The following CAMTA1 variants were observed in gnomAD, a reference collection of about 807,000 sequenced individuals.
CAMTA1 encodes the protein calmodulin-binding transcription activator 1.
Under a neutral mutation model 170.9 loss-of-function variants are expected in CAMTA1, and 27 were observed. The observed-to-expected ratio is 0.16, with a 90% CI of 0.12 to 0.22. CAMTA1 has a LOEUF of 0.22. Ranked by LOEUF, CAMTA1 falls within the 10% of genes least tolerant of loss-of-function variation. The pLI is 1.00. For synonymous variants in CAMTA1, 833 were observed against 891.5 expected, an observed-to-expected ratio of 0.93 and a Z score of 1.17; for missense variants, 1,619 against 2,217.2, an observed-to-expected ratio of 0.73 and a Z score of 5.42.
At chr1:6,910,197 G>A (rs1679404572) in intron 3 of CAMTA1, among the ~76,000 whole-genome samples, 1 of 152,186 alleles carries the variant, frequency 6.6e-6, no homozygotes, top group Admixed American at 6.5e-5. Flanking sequence ...GCAATGCAAG[G>A]GGCACCTTGT....
At chr1:6,825,417 C>T (rs1316590728) in intron 3 of CAMTA1, among the ~76,000 whole-genome samples, 1 of 152,176 alleles carries the variant, frequency 6.6e-6, no homozygotes, top group Admixed American at 6.6e-5. Flanking sequence ...TTGAAAGATA[C>T]ACAATGTGCA....
intron 4 of CAMTA1, among the ~76,000 whole-genome samples, chr1:7,212,911 G>A (rs76235370): frequency 0.084 from 12,721 of 152,216 alleles, 681 homozygotes; most frequent in South Asian, 0.15. Context: ...ATTGTCTCGC[G>A]ATTCATCTAG....
At chr1:7,062,558 G>A (rs961684073) in intron 3 of CAMTA1, among the ~76,000 whole-genome samples, 2 of 152,112 alleles carry the variant, frequency 1.3e-5, no homozygotes, top group Admixed American at 1.3e-4. Context: ...ACACGGACAG[G>A]CACAGGCTCC....
chr1:7,563,952 G>A (rs188959545), intron 6 of CAMTA1, among the ~76,000 whole-genome samples: 4 of 152,324 alleles, frequency 2.6e-5, no homozygotes, highest in Middle Eastern at 3.4e-3. Flanking sequence ...AGGGTAAAGC[G>A]AGGAGGGGCT....
At chr1:7,155,169 G>C (rs1377408362) in intron 4 of CAMTA1, among the ~76,000 whole-genome samples, 1 of 152,180 alleles carries the variant, frequency 6.6e-6, no homozygotes, top group South Asian at 2.1e-4. Context: ...GCAGGGGTGT[G>C]GGGGGCTGTG....
At chr1:7,549,926 A>T (rs2094775410) in intron 6 of CAMTA1, among the ~76,000 whole-genome samples, 1 of 152,192 alleles carries the variant, frequency 6.6e-6, no homozygotes, top group African/African-American at 2.4e-5. Context: ...AGACCACAGC[A>T]TCTATAGAGA....
intron 1 of CAMTA1, among the ~76,000 whole-genome samples, chr1:6,813,378 A>C (rs79269671): frequency 2.0e-5 from 3 of 151,826 alleles, no homozygotes; most frequent in South Asian, 2.1e-4. Flanking sequence ...TTATTCATAA[A>C]TTAATACTAA....
intron 3 of CAMTA1, among the ~76,000 whole-genome samples, chr1:6,963,097 C>A (rs996221459): frequency 1.3e-5 from 2 of 151,108 alleles, no homozygotes; most frequent in Non-Finnish European, 3.0e-5. Context: ...GCCCCGCCTT[C>A]ATTTGACCCA....
rs1206101727 is a variant in CAMTA1 at position 6,920,374 on chromosome 1, G to A, written c.234+95164G>A. 5.9e-5 allele frequency among the ~76,000 whole-genome samples: 9 copies of A among 152,192 alleles called. No homozygotes were observed. In the South Asian group the frequency reaches 1.2e-3, roughly 21 times the overall value. On this transcript the variant is annotated intron_variant, in intron 3 of 22. Coordinates refer to ENST00000303635, the MANE Select transcript of CAMTA1 (RefSeq NM_015215.4). ...GGTTCCCATGGTCTTGGGCAGCTCC[G>A]CCCCTTTGGCTTTGTAGGGTACAGC...
chr1:7,450,552 C>T (rs960797583), intron 5 of CAMTA1, among the ~76,000 whole-genome samples: 14 of 152,194 alleles, frequency 9.2e-5, no homozygotes, highest in African/African-American at 3.4e-4. Flanking sequence ...TTGAATTAAC[C>T]ACAGGTGCCC....
intron 5 of CAMTA1, among the ~76,000 whole-genome samples, chr1:7,269,651 G>A (rs1378249701): frequency 6.6e-6 from 1 of 152,188 alleles, no homozygotes; most frequent in Non-Finnish European, 1.5e-5. Context: ...AAAGCAACAG[G>A]AACTGCTTAA....
At chr1:7,458,740 C>T (rs1302754420) in intron 5 of CAMTA1, among the ~76,000 whole-genome samples, 7 of 152,236 alleles carry the variant, frequency 4.6e-5, no homozygotes. Context: ...TGGCCTCAGT[C>T]CCCTGGCGTG....
intron 5 of CAMTA1, among the ~76,000 whole-genome samples, chr1:7,317,138 G>A (rs992958651): frequency 6.6e-6 from 1 of 152,162 alleles, no homozygotes; most frequent in Admixed American, 6.5e-5. Context: ...CCTTGCCGGG[G>A]GTACAGGGAA....
chr1:6,851,021 A>G (rs1660170885), intron 3 of CAMTA1, among the ~76,000 whole-genome samples: 2 of 152,180 alleles, frequency 1.3e-5, no homozygotes, highest in Admixed American at 1.3e-4. Flanking sequence ...AGAACCTCAG[A>G]TGAGCTCTAT....
chr1:7,757,016 A>G (rs2150228995), intron 22 of CAMTA1, among the ~76,000 whole-genome samples: 1 of 152,310 alleles, frequency 6.6e-6, no homozygotes, highest in Middle Eastern at 3.4e-3. Flanking sequence ...CAACTCAACT[A>G]TATTCAATGC....
chr1:7,232,017 G>A (rs761709487), intron 4 of CAMTA1, among the ~76,000 whole-genome samples: 1 of 152,218 alleles, frequency 6.6e-6, no homozygotes, highest in Non-Finnish European at 1.5e-5. Flanking sequence ...ATGCGATGCC[G>A]GGGAGGACTT....
intron 6 of CAMTA1, among the ~76,000 whole-genome samples, chr1:7,575,153 A>G (rs1444799481): frequency 6.6e-6 from 1 of 152,182 alleles, no homozygotes; most frequent in African/African-American, 2.4e-5. Flanking sequence ...GTTTCTGGCC[A>G]ATGATAAGTA....
chr1:6,963,805 G>A (rs1054777481), intron 3 of CAMTA1, among the ~76,000 whole-genome samples: 1 of 152,138 alleles, frequency 6.6e-6, no homozygotes, highest in African/African-American at 2.4e-5. Context: ...GAGCAGAGAC[G>A]CCCCTCACCA....
chr1:6,871,060 A>G (rs192522766), intron 3 of CAMTA1, among the ~76,000 whole-genome samples: 2 of 152,334 alleles, frequency 1.3e-5, no homozygotes, highest in African/African-American at 2.4e-5. Context: ...TAATGGGAAA[A>G]GTGAGTAAAT....
Sources: gnomAD v4.1 joint callset for allele counts (sites outside exome capture counted in the v4.1 genomes callset) on GRCh38, gnomAD v4.1.1 for gene constraint, MANE v1.5 for transcripts, NCBI Gene and HGNC (gene_info 2026-07-23, HGNC 2026-07-21) for gene names.